The following LCK variants were observed in gnomAD, a reference collection of about 807,000 sequenced individuals.
The protein encoded by LCK is LCK proto-oncogene, Src family tyrosine kinase.
In LCK, 14 loss-of-function variants were observed where a neutral mutation model predicts 64.6. That is an observed-to-expected ratio of 0.22 (90% CI 0.14 to 0.34). LCK has a LOEUF of 0.34. Among genes scored for constraint, LCK ranks in the 10% least tolerant of loss-of-function variants. The probability of loss-of-function intolerance (pLI) is 1.00; values close to 1 mark genes in which losing one functional copy is unlikely to be tolerated. For missense variants in LCK, 434 were observed against 668.1 expected (o/e 0.65, Z 3.86); for synonymous variants, 277 against 263.6 (o/e 1.05, Z -0.49).
chr1:32,252,505 A>G (rs549621924), intron 1 of LCK, among the ~76,000 whole-genome samples: 1 of 152,272 alleles, frequency 6.6e-6, no homozygotes, highest in African/African-American at 2.4e-5. Context: ...AGCTGGTCCC[A>G]GCCTTTCTCC....
At chr1:32,259,338 G>A (rs1194052754) in intron 1 of LCK, among the ~76,000 whole-genome samples, 2 of 151,380 alleles carry the variant, frequency 1.3e-5, no homozygotes, top group Non-Finnish European at 2.9e-5. Flanking sequence ...GCTGGAGGCT[G>A]GGTGCGGTGG....
chr1:32,276,758 CT>C lies in LCK; in HGVS notation c.937del (p.Tyr313ThrfsTer12). On this transcript the variant is annotated frameshift_variant, in exon 9 of 13. Coordinates refer to ENST00000336890, the MANE Select transcript of LCK (RefSeq NM_005356.5). LOFTEE classifies it high-confidence loss of function. This position sits in a 1 kb window ranked among gnomAD's most constrained non-coding sequence, Gnocchi z 4.6. Reference protein sequence around the residue: ...LYAVVTQEPIYIITEYMENGS... With the variant: ...LYAVVTQEPIXIITEYMENGS... ...ACGCTGTGGTCACCCAGGAGCCCAT[CT>C]ACATCATCACTGAATACATGGAGAA... 6.2e-7 allele frequency: 1 copy of C among 1,611,762 alleles called. No homozygotes were observed. The highest frequency in any genetic ancestry group is 8.5e-7 in the Non-Finnish European group (1 of 1,178,670).
At position 32,261,198 on chromosome 1, in the gene LCK, T is replaced by C. The variant is rs532033939; in HGVS notation, c.-6+9827T>C. The stretch of plus-strand genomic sequence containing the variant: ...CTCCCACTTCAGCCTCCTGGGTAGC[T>C]AGGACTACAGGCAAATGCCATCACG... On this transcript the variant is annotated intron_variant, in intron 1 of 12. Transcript: ENST00000336890. 4.0e-5 allele frequency among the ~76,000 whole-genome samples: 6 copies of C among 151,526 alleles called. No homozygotes were observed. In the South Asian group the frequency reaches 1.2e-3, roughly 32 times the overall value.
At chr1:32,283,444 T>C (rs1400957257) in intron 12 of LCK, among the ~76,000 whole-genome samples, 4 of 152,040 alleles carry the variant, frequency 2.6e-5, no homozygotes, top group Non-Finnish European at 4.4e-5. Flanking sequence ...AAGGTTTTGG[T>C]CTTTGGGAAC....
intron 10 of LCK, 24 bp from the exon 11 acceptor site, chr1:32,279,817 C>A: frequency 6.2e-7 from 1 of 1,613,650 alleles, no homozygotes; most frequent in Admixed American, 1.7e-5. Context: ...GGCTCAGGAC[C>A]GCTGATCTGT....
intron 1 of LCK, among the ~76,000 whole-genome samples, chr1:32,269,110 TAAAA>T (rs539681482): frequency 1.0e-5 from 1 of 99,566 alleles, no homozygotes; most frequent in Non-Finnish European, 2.0e-5. Flanking sequence ...AGAGCAAGTC[TAAAA>T]AAAAAAAAAA....
Position 32,285,658 on chromosome 1 carries a change from G to T in LCK, c.1472G>T (p.Arg491Leu), listed in dbSNP as rs371877562. 6.2e-7 allele frequency: 1 copy of T among 1,613,908 alleles called. No homozygotes were observed. Among genetic ancestry groups the T allele is most frequent in the Non-Finnish European group, 8.5e-7 (1 of 1,179,918 alleles). ...GACCGGCCCACCTTTGACTACCTGC[G>T]CAGTGTGCTGGAGGACTTCTTCACG... ...PEDRPTFDYL[R>L]SVLEDFFTAT... is the part of the protein sequence containing the mutation. Residue 491 changes from arginine to leucine, a missense_variant, in exon 13 of 13, where the codon CGC becomes CTC. Physicochemically the swap from Arg to Leu is moderately radical, Grantham distance 102 (BLOSUM62 -2). Coordinates refer to ENST00000336890, the MANE Select transcript of LCK (RefSeq NM_005356.5).
intron 1 of LCK, among the ~76,000 whole-genome samples, chr1:32,273,359 TGAGA>T (rs768504673): frequency 6.7e-6 from 1 of 148,984 alleles, no homozygotes; most frequent in African/African-American, 2.5e-5. Context: ...TGTGTGTGTG[TGAGA>T]GTGTGTGTGT....
intron 1 of LCK, among the ~76,000 whole-genome samples, chr1:32,256,153 T>G (rs548638124): frequency 6.6e-6 from 1 of 151,970 alleles, no homozygotes; most frequent in South Asian, 2.1e-4. Flanking sequence ...TATTTAGTTA[T>G]TTATAGATGG....
chr1:32,261,618 C>A (rs916548267), intron 1 of LCK, among the ~76,000 whole-genome samples: 6 of 144,430 alleles, frequency 4.2e-5, no homozygotes, highest in African/African-American at 1.6e-4. Context: ...TGCTCCCTAG[C>A]CTGGGCGACA....
chr1:32,280,758 T>G (rs1389197645), intron 12 of LCK, among the ~76,000 whole-genome samples: 1 of 152,112 alleles, frequency 6.6e-6, no homozygotes, highest in African/African-American at 2.4e-5. Context: ...CGGCCCCAGC[T>G]CTTTTCTTTA....
intron 1 of LCK, among the ~76,000 whole-genome samples, chr1:32,264,208 A>G (rs955868560): frequency 3.9e-5 from 6 of 152,122 alleles, no homozygotes; most frequent in Admixed American, 1.3e-4. Context: ...TTGAAGAGAA[A>G]AGCCTTTGTT....
chr1:32,252,870 T>C (rs1639541782), intron 1 of LCK, among the ~76,000 whole-genome samples: 1 of 152,200 alleles, frequency 6.6e-6, no homozygotes, highest in African/African-American at 2.4e-5. Context: ...CCAAGGTCAC[T>C]ATCCCTGGAT....
At chr1:32,270,994 G>T (rs188936629) in intron 1 of LCK, among the ~76,000 whole-genome samples, 1,510 of 146,136 alleles carry the variant, frequency 0.01, 25 homozygotes, top group African/African-American at 0.036. Context: ...GAGCCACCGC[G>T]CCTGGCCTTT....
chr1:32,275,305 C>T lies in LCK; in HGVS notation c.279-16C>T, dbSNP rs554553133. 3.9e-5 allele frequency: 63 copies of T among 1,613,504 alleles called. No homozygotes were observed. In the Admixed American group the frequency reaches 6.5e-4, roughly 17 times the overall value. On this transcript the variant is annotated splice_polypyrimidine_tract_variant and intron_variant, in intron 4 of 12. Transcript: ENST00000336890. The surrounding 1 kb of genome is among the most constrained non-coding windows in gnomAD (Gnocchi z 6.9). Reference sequence around the variant, plus strand: ...GACGGCTGAGCGAGCCACACTGACCCACCTCCGTGGCGCAGGAGCGGCGAG... The same window carrying T: ...GACGGCTGAGCGAGCCACACTGACCTACCTCCGTGGCGCAGGAGCGGCGAG...
intron 1 of LCK, among the ~76,000 whole-genome samples, chr1:32,260,918 G>A (rs909804573): frequency 5.9e-5 from 9 of 152,058 alleles, no homozygotes; most frequent in African/African-American, 1.4e-4. Context: ...CATTGCATCC[G>A]ACCACCTGCC....
chr1:32,256,931 A>G (rs1639646815), intron 1 of LCK, among the ~76,000 whole-genome samples: 1 of 152,196 alleles, frequency 6.6e-6, no homozygotes, highest in Non-Finnish European at 1.5e-5. Context: ...TTATGGTAGT[A>G]AAGTTTCCAT....
chr1:32,271,058 T>G (rs1244803530), intron 1 of LCK, among the ~76,000 whole-genome samples: 3 of 146,540 alleles, frequency 2.0e-5, no homozygotes, highest in Non-Finnish European at 4.5e-5. Context: ...TGGAGTGCAG[T>G]GGCACAATCG....
chr1:32,284,278 GATATATATATCTGTGAGAT>G (rs1335005353), intron 12 of LCK, among the ~76,000 whole-genome samples: 38 of 145,970 alleles, frequency 2.6e-4, no homozygotes, highest in Admixed American at 1.0e-3. Context: ...ATATCTGTGA[GATATATATATCTGTGAGAT>G]ATATATATAT....
Sources: gnomAD v4.1 joint callset for allele counts (sites outside exome capture counted in the v4.1 genomes callset) on GRCh38, gnomAD v4.1.1 for gene constraint, Gnocchi (gnomAD v3.1) non-coding constraint, MANE v1.5 for transcripts, NCBI Gene and HGNC (gene_info 2026-07-23, HGNC 2026-07-21) for gene names.